The following HECW2 variants were observed in gnomAD, a reference collection of about 807,000 sequenced individuals.
The protein encoded by HECW2 is E3 ubiquitin-protein ligase HECW2.
HECW2 carries 61 observed loss-of-function variants against 175.2 expected under a neutral mutation model. The observed-to-expected ratio is 0.35, with a 90% CI of 0.28 to 0.43. HECW2 has a LOEUF of 0.43. HECW2 is among the 20% of genes least tolerant of loss of function. The probability of loss-of-function intolerance (pLI) is 1.00; values close to 1 mark genes in which losing one functional copy is unlikely to be tolerated. For missense variants in HECW2, 1,524 were observed against 2,000.5 expected, an observed-to-expected ratio of 0.76 and a Z score of 4.54; for synonymous variants, 671 against 731.0, an observed-to-expected ratio of 0.92 and a Z score of 1.32.
intron 2 of HECW2, among the ~76,000 whole-genome samples, chr2:196,399,720 CCACA>C (rs1310392040): frequency 6.6e-6 from 1 of 152,206 alleles, no homozygotes; most frequent in Non-Finnish European, 1.5e-5. Context: ...TTCTTTCTAA[CCACA>C]CAGTCTCCTA....
chr2:196,564,737 C>G (rs1690119308), intron 1 of HECW2, among the ~76,000 whole-genome samples: 1 of 151,980 alleles, frequency 6.6e-6, no homozygotes, highest in Non-Finnish European at 1.5e-5. Flanking sequence ...CTCATAAAAA[C>G]TTATGTTCCT....
At chr2:196,277,337 A>G (rs984285568) in intron 15 of HECW2, among the ~76,000 whole-genome samples, 4 of 152,218 alleles carry the variant, frequency 2.6e-5, no homozygotes, top group African/African-American at 9.7e-5. Context: ...AAAATATCCT[A>G]ATTTTAAAGA....
At chr2:196,426,147 C>T (rs893734990) in intron 2 of HECW2, among the ~76,000 whole-genome samples, 5 of 152,152 alleles carry the variant, frequency 3.3e-5, no homozygotes, top group East Asian at 1.9e-4. Flanking sequence ...AAGGTATGTA[C>T]ATCAGTTTTT....
chr2:196,395,549 C>T (rs971988849), intron 2 of HECW2, among the ~76,000 whole-genome samples: 7 of 151,994 alleles, frequency 4.6e-5, no homozygotes, highest in South Asian at 4.1e-4. Context: ...TTTAGAAATG[C>T]GCAAAGAACT....
intron 19 of HECW2, among the ~76,000 whole-genome samples, chr2:196,252,212 A>AATAATAATAATAATG (rs1161727780): frequency 2.1e-5 from 3 of 146,254 alleles, no homozygotes; most frequent in Admixed American, 6.9e-5. Context: ...TAATAATAAT[A>AATAATAATAATAATG]ATAAGGCTTC....
At chr2:196,399,332 G>T (rs930468154) in intron 2 of HECW2, among the ~76,000 whole-genome samples, 26 of 152,152 alleles carry the variant, frequency 1.7e-4, no homozygotes, top group Admixed American at 1.3e-4. Context: ...TTACAAAGAG[G>T]TTAAAGTAAA....
chr2:196,260,198 T>C (rs1290118330), intron 17 of HECW2: 1 of 152,182 alleles, frequency 6.6e-6, no homozygotes, highest in Admixed American at 6.5e-5. Flanking sequence ...ACTTTCCAGA[T>C]AAAAACTAGC....
At chr2:196,286,682 T>C (rs1690403113) in intron 14 of HECW2, among the ~76,000 whole-genome samples, 1 of 152,218 alleles carries the variant, frequency 6.6e-6, no homozygotes, top group Admixed American at 6.5e-5. Flanking sequence ...ATGTGCTATC[T>C]ATCATTTTAT....
At chr2:196,353,775 T>C (rs999320405) in intron 2 of HECW2, among the ~76,000 whole-genome samples, 1 of 152,210 alleles carries the variant, frequency 6.6e-6, no homozygotes, top group African/African-American at 2.4e-5. Context: ...AAATGTTGCC[T>C]TTTCCAATAC....
intron 2 of HECW2, among the ~76,000 whole-genome samples, chr2:196,399,974 A>G (rs1471064273): frequency 2.0e-5 from 3 of 152,176 alleles, no homozygotes; most frequent in Non-Finnish European, 4.4e-5. Context: ...GCACTCAACA[A>G]TCTTATATTT....
intron 1 of HECW2, among the ~76,000 whole-genome samples, chr2:196,506,654 A>T (rs1475852755): frequency 2.6e-5 from 4 of 152,032 alleles, no homozygotes; most frequent in Non-Finnish European, 5.9e-5. Flanking sequence ...ACACAGAAAT[A>T]TTATTTAATT....
rs184491675 is a variant in HECW2, at chr2:196,571,706, A to T, written c.-36+21802T>A. On this transcript the variant is annotated intron_variant, in intron 1 of 28. Coordinates refer to ENST00000644978, the MANE Select transcript of HECW2 (RefSeq NM_001348768.2). ...ATGGGATGAGATTCTGTCTCAAAAA[A>T]AAAAATAAAAGAAAAATCAATTATC... Among the ~76,000 whole-genome samples, 650 of 152,218 alleles carry T rather than the reference A, an allele frequency of 4.3e-3. 2 individuals are homozygous for T. The highest frequency in any genetic ancestry group is 7.3e-3 in the Non-Finnish European group (498 of 68,010).
intron 17 of HECW2, among the ~76,000 whole-genome samples, chr2:196,270,197 C>G (rs1689674622): frequency 7.2e-6 from 1 of 138,780 alleles, no homozygotes. Context: ...TGATGCCTAG[C>G]ACACTTAGAT....
chr2:196,345,638 A>G (rs772162842), intron 2 of HECW2, among the ~76,000 whole-genome samples: 2 of 151,616 alleles, frequency 1.3e-5, no homozygotes, highest in Admixed American at 6.6e-5. Context: ...GCTACCTAGG[A>G]AAAAAAAATC....
At chr2:196,220,303 A>G (rs774578148) in intron 25 of HECW2, 150 bp from the exon 26 acceptor site, 40 of 616,884 alleles carry the variant, frequency 6.5e-5, no homozygotes, top group Non-Finnish European at 1.1e-4. Flanking sequence ...GCTCCCTACA[A>G]ATATAAGGCA....
chr2:196,482,848 T>G (rs1031321158), intron 1 of HECW2, among the ~76,000 whole-genome samples: 2 of 152,190 alleles, frequency 1.3e-5, no homozygotes, highest in East Asian at 3.8e-4. Context: ...CTGAGTGGGA[T>G]GCCCTATGTG....
chr2:196,391,438 G>T lies in HECW2; in HGVS notation c.292+41694C>A, dbSNP rs1480568525. Among the ~76,000 whole-genome samples the T allele has an allele frequency of 6.6e-5, 10 of 152,128 alleles. No individual in the cohort carries two copies. In the East Asian group the frequency reaches 1.7e-3, roughly 26 times the overall value. ...CCTGACTGACATAACAATCAATCAAGAACTTCCTTGCACTGTTTTTTGTAC... is the reference window on the plus strand; with the variant it reads ...CCTGACTGACATAACAATCAATCAATAACTTCCTTGCACTGTTTTTTGTAC... On this transcript the variant is annotated intron_variant, in intron 2 of 28. Transcript: ENST00000644978.
intron 3 of HECW2, among the ~76,000 whole-genome samples, chr2:196,342,520 G>A (rs1383961241): frequency 7.1e-6 from 1 of 141,146 alleles, no homozygotes; most frequent in African/African-American, 2.9e-5. Context: ...CCACAAAAAT[G>A]TACTGAGTAT....
Position 196,271,234 on chromosome 2 carries a change from T to A in HECW2, c.3294A>T (p.Leu1098=), listed in dbSNP as rs200189265. ...FLRQPNIFEI[L]QERQPDLTRN... ...TGGTAAGATCAGGTTGACGCTCCTG[T>A]AGAATTTCAAAGATATTGGGTTGAC... The change falls in exon 17 of 29, where the codon CTA becomes CTT. Residue 1098 remains leucine, a synonymous_variant. Transcript: ENST00000644978. The A allele has an allele frequency of 1.2e-6, 2 of 1,612,150 alleles. No homozygotes were observed. The highest frequency in any genetic ancestry group is 2.7e-5 in the African/African-American group (2 of 74,898).
Sources: allele counts gnomAD v4.1 joint callset (sites outside exome capture counted in the v4.1 genomes callset), GRCh38; gene constraint gnomAD v4.1.1; transcripts MANE v1.5; gene names NCBI Gene and HGNC (gene_info 2026-07-23, HGNC 2026-07-21).